MICU3: variants seen among roughly 807,000 people sequenced by gnomAD.
MICU3 encodes calcium uptake protein 3, mitochondrial.
Under a neutral mutation model 66.5 loss-of-function variants are expected in MICU3, and 62 were observed. That is an observed-to-expected ratio of 0.93 (90% CI 0.76 to 1.15). The LOEUF (loss-of-function observed/expected upper bound fraction) is 1.15. MICU3 is among the 50% of genes most tolerant of loss of function. The pLI, the probability that MICU3 is intolerant of heterozygous loss-of-function variation, is 0.00. For missense variants in MICU3, 779 were observed against 664.4 expected, an observed-to-expected ratio of 1.17 and a Z score of -1.90; for synonymous variants, 308 against 240.7, an observed-to-expected ratio of 1.28 and a Z score of -2.59.
At chr8:17,063,851 G>A (rs1818255213) in intron 1 of MICU3, among the ~76,000 whole-genome samples, 1 of 152,076 alleles carries the variant, frequency 6.6e-6, no homozygotes, top group African/African-American at 2.4e-5. Flanking sequence ...TCTCCAAAGT[G>A]CCAGTTTAAA....
At chr8:17,116,922 A>T (rs1802738270) in intron 13 of MICU3, among the ~76,000 whole-genome samples, 2 of 152,122 alleles carry the variant, frequency 1.3e-5, no homozygotes, top group South Asian at 2.1e-4. Flanking sequence ...AGCTTTTCGG[A>T]CTTGTTACTA....
chr8:17,027,791 T>C, intron 1 of MICU3, 131 bp downstream of exon 1: 1 of 1,144,812 alleles, frequency 8.7e-7, no homozygotes. Flanking sequence ...TGAGCGAGGC[T>C]GACACCTAGG....
the MICU3 span, among the ~76,000 whole-genome samples, chr8:17,137,492 C>G: frequency 2.7e-5 from 4 of 147,182 alleles, no homozygotes; most frequent in African/African-American, 1.0e-4. Context: ...TATTTAATAC[C>G]TTAAACCACA....
chr8:17,107,596 T>A (rs1801848092), intron 11 of MICU3, among the ~76,000 whole-genome samples: 1 of 152,088 alleles, frequency 6.6e-6, no homozygotes, highest in South Asian at 2.1e-4. Flanking sequence ...TGCACCTATT[T>A]TTGTAAGTAA....
At chr8:17,095,235 T>C (rs776713797) in intron 8 of MICU3, among the ~76,000 whole-genome samples, 15 of 152,164 alleles carry the variant, frequency 9.9e-5, no homozygotes, top group Non-Finnish European at 5.9e-5. Flanking sequence ...TATGTTCTTT[T>C]GTCTTTAGCA....
chr8:17,101,254 C>T (rs1023074471), intron 9 of MICU3, among the ~76,000 whole-genome samples: 2 of 151,614 alleles, frequency 1.3e-5, no homozygotes, highest in Non-Finnish European at 3.0e-5. Flanking sequence ...TGAAAACACC[C>T]GAGTTCATTT....
chr8:17,040,808 C>G (rs1813938587), intron 1 of MICU3, among the ~76,000 whole-genome samples: 1 of 152,094 alleles, frequency 6.6e-6, no homozygotes, highest in African/African-American at 2.4e-5. Context: ...TTACCAGTGA[C>G]CAACCTCTGT....
At chr8:17,074,624 T>C (rs1350495555) in intron 3 of MICU3, among the ~76,000 whole-genome samples, 2 of 151,550 alleles carry the variant, frequency 1.3e-5, no homozygotes, top group African/African-American at 4.9e-5. Context: ...TGTGTGTGTG[T>C]GTGTGTGTGT....
chr8:17,124,128 AAAG>A (rs1803341522), downstream of MICU3, among the ~76,000 whole-genome samples: 1 of 152,104 alleles, frequency 6.6e-6, no homozygotes, highest in South Asian at 2.1e-4. Flanking sequence ...CTACAATGGA[AAAG>A]AAGGATTTGT....
At chr8:17,080,932 G>A (rs748241588) in intron 4 of MICU3, among the ~76,000 whole-genome samples, 4 of 152,134 alleles carry the variant, frequency 2.6e-5, no homozygotes, top group African/African-American at 9.7e-5. Flanking sequence ...ACAGATTACT[G>A]ATGTCAATCT....
chr8:17,137,757 G>A, the MICU3 span, among the ~76,000 whole-genome samples: 206 of 128,996 alleles, frequency 1.6e-3, 6 homozygotes, highest in South Asian at 0.025. Context: ...TCACTCTGTC[G>A]CCAGGCTGGA....
chr8:17,079,225 AT>A (rs33967796), intron 4 of MICU3, among the ~76,000 whole-genome samples: 65,141 of 151,850 alleles, frequency 0.43, 14,247 homozygotes, highest in African/African-American at 0.5. Context: ...GCTGTCTCTT[AT>A]GGTAGCTACT....
In MICU3 at chr8:17,116,580, A is replaced by G; in HGVS notation, c.1504A>G (p.Arg502Gly). 3 of 1,563,574 alleles carry G rather than the reference A, an allele frequency of 1.9e-6. No individual in the cohort carries two copies. Among genetic ancestry groups the G allele is most frequent in the Non-Finnish European group, 2.6e-6 (3 of 1,163,152 alleles). ...YKEFIGIMKDRLHRGFRGYKT... is the reference protein window; with the variant it reads ...YKEFIGIMKDGLHRGFRGYKT... ...AGAATTTATTGGAATTATGAAAGAC[A>G]GACTCCATAGAGGATTCCGGGTAAA... Residue 502 changes from arginine (R) to glycine (G), a missense_variant, in exon 13 of 15, where the codon AGA (arginine) becomes GGA (glycine). Transcript: ENST00000318063.
intron 1 of MICU3, among the ~76,000 whole-genome samples, chr8:17,031,088 T>C (rs1256499335): frequency 1.3e-5 from 2 of 151,918 alleles, no homozygotes; most frequent in Non-Finnish European, 2.9e-5. Context: ...TTTAGTGGCA[T>C]GTGCTTGTAG....
chr8:17,043,794 C>A (rs1010926589), intron 1 of MICU3, among the ~76,000 whole-genome samples: 1 of 152,188 alleles, frequency 6.6e-6, no homozygotes, highest in Non-Finnish European at 1.5e-5. Context: ...TGATTCAAGT[C>A]TTTTATAATA....
chr8:17,061,699 G>A (rs1817847667), intron 1 of MICU3, among the ~76,000 whole-genome samples: 1 of 152,080 alleles, frequency 6.6e-6, no homozygotes, highest in East Asian at 1.9e-4. Flanking sequence ...CAGGGAAATG[G>A]CCTAGCAAGA....
intron 5 of MICU3, among the ~76,000 whole-genome samples, chr8:17,082,759 C>A (rs1821388367): frequency 6.6e-6 from 1 of 152,068 alleles, no homozygotes; most frequent in African/African-American, 2.4e-5. Context: ...TCTAAAAATA[C>A]CTTGTACTTC....
chr8:17,123,323 GTT>G (rs1803310141), downstream of MICU3, among the ~76,000 whole-genome samples: 1 of 152,188 alleles, frequency 6.6e-6, no homozygotes, highest in African/African-American at 2.4e-5. Flanking sequence ...CACAGAGAAA[GTT>G]TTCTGGGAAA....
chr8:17,106,690 A>C (rs190700891), intron 11 of MICU3, among the ~76,000 whole-genome samples: 1 of 152,216 alleles, frequency 6.6e-6, no homozygotes, highest in African/African-American at 2.4e-5. Flanking sequence ...ACTTGTAGAA[A>C]TGGAAAAATT....
Sources: gnomAD v4.1 joint callset for allele counts (sites outside exome capture counted in the v4.1 genomes callset) on GRCh38, gnomAD v4.1.1 for gene constraint, MANE v1.5 for transcripts, NCBI Gene and HGNC (gene_info 2026-07-23, HGNC 2026-07-21) for gene names.